Variants in METTL8 observed in about 807,000 individuals in gnomAD.
METTL8 encodes the protein methyltransferase 8, tRNA N3-cytidine.
A neutral mutation model predicts 48.7 loss-of-function variants in METTL8; 32 were observed. That is an observed-to-expected ratio of 0.66 (90% CI 0.50 to 0.88). METTL8 has a LOEUF of 0.88. Ranked by LOEUF, METTL8 falls within the 40% of genes least tolerant of loss-of-function variation. METTL8 has a pLI of 0.00. For synonymous variants in METTL8, 136 were observed against 157.1 expected (o/e 0.87, Z 1.01); for missense variants, 464 against 474.4 (o/e 0.98, Z 0.20).
At chr2:171,381,677 T>C (rs527624758) in intron 2 of METTL8, among the ~76,000 whole-genome samples, 1 of 151,724 alleles carries the variant, frequency 6.6e-6, no homozygotes, top group Non-Finnish European at 1.5e-5. Context: ...TTTAGTGAAA[T>C]GCAAATCAAA....
chr2:171,376,050 G>A (rs919867176), intron 2 of METTL8, among the ~76,000 whole-genome samples: 1 of 152,118 alleles, frequency 6.6e-6, no homozygotes, highest in African/African-American at 2.4e-5. Context: ...GAGGGTCTGG[G>A]TCTTTTGCTT....
chr2:171,407,254 G>A (rs920575181), intron 1 of METTL8, among the ~76,000 whole-genome samples: 2 of 152,100 alleles, frequency 1.3e-5, no homozygotes, highest in African/African-American at 4.8e-5. Flanking sequence ...GCTGAGGTGG[G>A]AGGATCACTT....
intron 1 of METTL8, among the ~76,000 whole-genome samples, chr2:171,401,207 T>C (rs1436464779): frequency 6.6e-6 from 1 of 152,136 alleles, no homozygotes; most frequent in Non-Finnish European, 1.5e-5. Context: ...GCGCTACTGT[T>C]GTACTTTTTT....
chr2:171,401,524 G>A (rs964058574), intron 1 of METTL8, among the ~76,000 whole-genome samples: 1 of 152,076 alleles, frequency 6.6e-6, no homozygotes, highest in Non-Finnish European at 1.5e-5. Flanking sequence ...CATGCTTAGC[G>A]TTTGTTCTCC....
At position 171,318,207 on chromosome 2, in the gene METTL8, C is replaced by T. The variant is rs962466724; in HGVS notation, c.*5965G>A. 6.6e-6 allele frequency: 1 copy of T among 152,178 alleles called. No individual in the cohort carries two copies. The highest frequency in any genetic ancestry group is 2.4e-5 in the African/African-American group (1 of 41,428). 9.4% of individuals were successfully genotyped at this position (152,178 alleles called of 1,614,324 possible). On this transcript the variant is annotated 3_prime_UTR_variant, in exon 10 of 10. Coordinates refer to ENST00000375258, the MANE Select transcript of METTL8 (RefSeq NM_001321154.2). ...ACTTCTATTTATATTTATAACTACA[C>T]CAAAGCCATCTTGCGGGTACCTTTG...
chr2:171,423,226 C>A (rs1305208854), intron 1 of METTL8, among the ~76,000 whole-genome samples: 1 of 152,128 alleles, frequency 6.6e-6, no homozygotes. Context: ...TAAACCTCTT[C>A]CCTTTATAAA....
chr2:171,324,335 G>T lies in METTL8; in HGVS notation c.1061C>A (p.Ala354Asp). 6.4e-7 allele frequency: 1 copy of T among 1,551,548 alleles called. No individual in the cohort carries two copies. The highest frequency in any genetic ancestry group is 8.7e-7 in the Non-Finnish European group (1 of 1,147,004). ...CAGATTTTGCTTTTCATCTAAACTGGCTTTGCAGAACATACTGTGGACTTC... is the reference window on the plus strand; with the variant it reads ...CAGATTTTGCTTTTCATCTAAACTGTCTTTGCAGAACATACTGTGGACTTC... Reference protein sequence around the residue: ...KGEVHSMFCKASLDEKQNLVD... With the variant: ...KGEVHSMFCKDSLDEKQNLVD... The change falls in exon 10 of 10, where the codon GCC becomes GAC. Residue 354 changes from alanine to aspartate, a missense_variant. Transcript: ENST00000375258.
intron 4 of METTL8, among the ~76,000 whole-genome samples, chr2:171,338,465 C>G (rs1421043310): frequency 6.6e-6 from 1 of 151,966 alleles, no homozygotes; most frequent in Non-Finnish European, 1.5e-5. Flanking sequence ...TGGCGAAACC[C>G]TGTCTCTACT....
intron 1 of METTL8, among the ~76,000 whole-genome samples, chr2:171,412,497 A>G (rs1690846818): frequency 6.6e-6 from 1 of 152,186 alleles, no homozygotes; most frequent in Admixed American, 6.5e-5. Context: ...TGGTTCACGA[A>G]TTCCTGGGGA....
At chr2:171,390,747 T>C (rs1055028126) in intron 2 of METTL8, among the ~76,000 whole-genome samples, 1 of 152,172 alleles carries the variant, frequency 6.6e-6, no homozygotes, top group South Asian at 2.1e-4. Context: ...GCAAAGAAAG[T>C]AGTTTCTTGA....
At position 171,323,284 on chromosome 2, in the gene METTL8, A is replaced by G. The variant is rs1684628522; in HGVS notation, c.*888T>C. ...GGTCTCACCATGTCACCCAGTTTGG[A>G]GCGCAGTGGTACAATCTCAGCTCAC... On this transcript the variant is annotated 3_prime_UTR_variant, in exon 10 of 10. Coordinates refer to ENST00000375258, the MANE Select transcript of METTL8 (RefSeq NM_001321154.2). 8.9e-6 allele frequency: 1 copy of G among 112,048 alleles called. No homozygotes were observed. Among genetic ancestry groups the G allele is most frequent in the African/African-American group, 3.5e-5 (1 of 28,460 alleles). 6.9% of individuals were successfully genotyped at this position (112,048 alleles called of 1,614,324 possible).
At chr2:171,335,433 T>A (rs188909857) in intron 5 of METTL8, among the ~76,000 whole-genome samples, 49 of 152,120 alleles carry the variant, frequency 3.2e-4, no homozygotes, top group African/African-American at 8.2e-4. Context: ...ATTAAAAAAA[T>A]TTTTTTTGAG....
intron 2 of METTL8, among the ~76,000 whole-genome samples, chr2:171,376,071 T>A (rs16859368): frequency 0.03 from 4,620 of 152,288 alleles, 80 homozygotes; most frequent in East Asian, 0.05. Flanking sequence ...TGTCAAATGA[T>A]CCTTTACTGA....
At chr2:171,415,850 A>T (rs1691263543) in intron 1 of METTL8, among the ~76,000 whole-genome samples, 1 of 152,198 alleles carries the variant, frequency 6.6e-6, no homozygotes, top group Non-Finnish European at 1.5e-5. Context: ...AGCCAAGGGT[A>T]AATGTCCAGA....
At chr2:171,345,622 A>G (rs1559079982) in intron 3 of METTL8, among the ~76,000 whole-genome samples, 1 of 152,210 alleles carries the variant, frequency 6.6e-6, no homozygotes, top group Non-Finnish European at 1.5e-5. Context: ...TATTTTTTTC[A>G]CATAGAACAT....
chr2:171,365,486 C>T (rs1258092920), intron 2 of METTL8, among the ~76,000 whole-genome samples: 1 of 152,146 alleles, frequency 6.6e-6, no homozygotes, highest in Non-Finnish European at 1.5e-5. Context: ...GAGCTCAGGG[C>T]CGTGAGCAAG....
chr2:171,434,632 G>A, upstream of METTL8: 1 of 1,533,012 alleles, frequency 6.5e-7, no homozygotes, highest in Non-Finnish European at 8.7e-7. Flanking sequence ...CCGGGCGCTG[G>A]GCTGCTTCTC....
chr2:171,404,356 C>G (rs1278706580), intron 1 of METTL8, among the ~76,000 whole-genome samples: 2 of 151,956 alleles, frequency 1.3e-5, no homozygotes, highest in Non-Finnish European at 2.9e-5. Flanking sequence ...GGACGATCAG[C>G]TGCTTCAGGT....
intron 1 of METTL8, among the ~76,000 whole-genome samples, chr2:171,425,065 C>T (rs1291597079): frequency 1.3e-5 from 2 of 152,136 alleles, no homozygotes; most frequent in Non-Finnish European, 1.5e-5. Flanking sequence ...CTCCACTTTG[C>T]TCTGCACTTC....
Sources: allele counts gnomAD v4.1 joint callset (sites outside exome capture counted in the v4.1 genomes callset), GRCh38; gene constraint gnomAD v4.1.1; transcripts MANE v1.5; gene names NCBI Gene and HGNC (gene_info 2026-07-23, HGNC 2026-07-21).